The following CELF2 variants were observed in gnomAD, a reference collection of about 807,000 sequenced individuals.
The protein encoded by CELF2 is CUG triplet repeat RNA-binding protein 2.
Under a neutral mutation model 62.6 loss-of-function variants are expected in CELF2, and 8 were observed. The observed-to-expected ratio is 0.13, with a 90% CI of 0.07 to 0.23. CELF2 has a LOEUF of 0.23. Among genes scored for constraint, CELF2 ranks in the 10% least tolerant of loss-of-function variants. The pLI, the probability that CELF2 is intolerant of heterozygous loss-of-function variation, is 1.00. For synonymous variants in CELF2, 258 were observed against 250.0 expected, an observed-to-expected ratio of 1.03 and a Z score of -0.30; for missense variants, 333 against 671.0, an observed-to-expected ratio of 0.50 and a Z score of 5.56.
chr10:10,839,990 TCTTCTA>T (rs1035109831), intron 1 of CELF2, among the ~76,000 whole-genome samples: 28 of 152,344 alleles, frequency 1.8e-4, no homozygotes, highest in African/African-American at 6.7e-4. Context: ...TAGAGTGGCT[TCTTCTA>T]CTTCACAGAG....
chr10:10,902,946 G>A (rs1045425199), intron 1 of CELF2, among the ~76,000 whole-genome samples: 1 of 147,830 alleles, frequency 6.8e-6, no homozygotes, highest in African/African-American at 2.5e-5. Context: ...AGGAAGGAAG[G>A]GAGGGAGGGA....
intron 1 of CELF2, among the ~76,000 whole-genome samples, chr10:10,829,004 G>T (rs377005859): frequency 3.9e-5 from 6 of 152,272 alleles, no homozygotes; most frequent in African/African-American, 1.4e-4. Context: ...TCCAAGACCA[G>T]AGTTTAGAAG....
rs762751902 is a variant in CELF2 at position 11,305,032 on chromosome 10, G to A, written c.977-9107G>A. Among the ~76,000 whole-genome samples, 8 of 148,138 alleles carry A rather than the reference G, an allele frequency of 5.4e-5. No homozygotes were observed. In the East Asian group the frequency reaches 6.2e-4, roughly 11 times the overall value. Reference sequence around the variant, plus strand: ...GAACGGGAATGCCTTTGTCAAACACGCATCGGCATCTTCTGGTTCAACTCG... The same window carrying A: ...GAACGGGAATGCCTTTGTCAAACACACATCGGCATCTTCTGGTTCAACTCG... On this transcript the variant is annotated intron_variant, in intron 9 of 12. Transcript: ENST00000633077. The surrounding 1 kb of genome is among the most constrained non-coding windows in gnomAD (Gnocchi z 4.8).
Position 11,333,612 on chromosome 10 carries a change from T to C in CELF2, c.*4559T>C, listed in dbSNP as rs1457919102. ...TTTGAATAATGTCATACAAAAAATG[T>C]ATTTGTTTTTTTGTGCTGTGAGAAT... On this transcript the variant is annotated 3_prime_UTR_variant, in exon 13 of 13. Transcript: ENST00000633077. The C allele has an allele frequency of 6.6e-6, 1 of 152,546 alleles. No individual in the cohort carries two copies. Among genetic ancestry groups the C allele is most frequent in the Admixed American group, 6.5e-5 (1 of 15,286 alleles). The allele number at this position is 152,546 out of a possible 1,614,324, so 9.4% of individuals were successfully genotyped here.
At chr10:11,003,636 T>A (rs1339144605), upstream of CELF2, among the ~76,000 whole-genome samples, 1 of 152,184 alleles carries the variant, frequency 6.6e-6, no homozygotes, top group East Asian at 1.9e-4. The surrounding 1 kb of genome is among the most constrained non-coding windows in gnomAD (Gnocchi z 4.4). Context: ...GTTAAGAGAC[T>A]TCTGCCCCAG....
rs554791279 is a variant in CELF2 at position 11,171,673 on chromosome 10, C to T, written c.271+5991C>T. On this transcript the variant is annotated intron_variant, in intron 2 of 12. Transcript: ENST00000633077. Reference sequence around the variant, plus strand: ...AGGCCCTGGGGAAGAGGACTTAGTACTGGTACTTATCATGACCAGCTCATG... The same window carrying T: ...AGGCCCTGGGGAAGAGGACTTAGTATTGGTACTTATCATGACCAGCTCATG... 5.0e-4 allele frequency among the ~76,000 whole-genome samples: 76 copies of T among 152,308 alleles called. 1 individual carries two copies. Among genetic ancestry groups the T allele is most frequent in the African/African-American group, 1.8e-3 (74 of 41,562 alleles).
At chr10:11,031,958 AC>A (rs1488244682) in intron 1 of CELF2, among the ~76,000 whole-genome samples, 4 of 152,156 alleles carry the variant, frequency 2.6e-5, no homozygotes, top group Non-Finnish European at 4.4e-5. Flanking sequence ...TGACTCAATC[AC>A]AGTGGCACCT....
At chr10:11,026,015 T>C (rs1298095863) in intron 1 of CELF2, among the ~76,000 whole-genome samples, 3 of 152,210 alleles carry the variant, frequency 2.0e-5, no homozygotes, top group African/African-American at 2.4e-5. Context: ...TGTTTCTCAG[T>C]GGCAATTAAG....
intron 1 of CELF2, among the ~76,000 whole-genome samples, chr10:10,908,262 G>A (rs985170618): frequency 6.1e-5 from 7 of 114,356 alleles, no homozygotes; most frequent in South Asian, 3.0e-4. Flanking sequence ...CTCTGTCGCC[G>A]AGGCTGGAGT....
chr10:11,141,928 A>G (rs2061415756), intron 1 of CELF2, among the ~76,000 whole-genome samples: 1 of 152,238 alleles, frequency 6.6e-6, no homozygotes, highest in Non-Finnish European at 1.5e-5. Flanking sequence ...ATTATTAATG[A>G]GAGACTGTAG....
intron 1 of CELF2, among the ~76,000 whole-genome samples, chr10:11,088,690 A>G (rs1219488011): frequency 2.6e-5 from 4 of 152,198 alleles, no homozygotes; most frequent in Non-Finnish European, 5.9e-5. Context: ...TGTGTAACAC[A>G]TCATCCCATA....
chr10:11,140,993 G>A (rs978977864), intron 1 of CELF2, among the ~76,000 whole-genome samples: 10 of 152,194 alleles, frequency 6.6e-5, no homozygotes, highest in Non-Finnish European at 1.5e-4. Context: ...TCCAGCCTGC[G>A]TGACAGAAGG....
chr10:10,649,031 A>T, the CELF2 span, among the ~76,000 whole-genome samples: 1 of 152,192 alleles, frequency 6.6e-6, no homozygotes, highest in African/African-American at 2.4e-5. Context: ...TGAAGATTTC[A>T]GTCCTGGATT....
the CELF2 span, among the ~76,000 whole-genome samples, chr10:10,562,496 C>A: frequency 6.6e-6 from 1 of 152,130 alleles, no homozygotes; most frequent in African/African-American, 2.4e-5. Context: ...GAGAGTGAAG[C>A]ATGAAGAGGT....
chr10:10,501,216 T>C, the CELF2 span, among the ~76,000 whole-genome samples: 1 of 152,250 alleles, frequency 6.6e-6, no homozygotes, highest in Non-Finnish European at 1.5e-5. Flanking sequence ...ATTTTGCATT[T>C]CCACAGCAAT....
At chr10:11,190,615 T>A (rs1001057382) in intron 2 of CELF2, among the ~76,000 whole-genome samples, 3 of 149,492 alleles carry the variant, frequency 2.0e-5, no homozygotes, top group Non-Finnish European at 4.5e-5. Flanking sequence ...AATTGTTCTT[T>A]TAAAAAAAAA....
the CELF2 span, among the ~76,000 whole-genome samples, chr10:10,571,924 A>T: frequency 6.6e-6 from 1 of 152,296 alleles, no homozygotes; most frequent in South Asian, 2.1e-4. Context: ...GAGGGAGGAC[A>T]CAGTCCATCA....
intron 1 of CELF2, among the ~76,000 whole-genome samples, chr10:10,840,432 T>C (rs1321451014): frequency 6.6e-6 from 1 of 152,206 alleles, no homozygotes; most frequent in Non-Finnish European, 1.5e-5. Flanking sequence ...CTCATTGTTG[T>C]TTAAATTGTC....
At chr10:10,731,113 C>A in the CELF2 span, among the ~76,000 whole-genome samples, 422 of 152,262 alleles carry the variant, frequency 2.8e-3, 1 homozygote, top group Non-Finnish European at 3.2e-3. Context: ...CAATCACCAT[C>A]CCTTTCCCAA....
Sources: gnomAD v4.1 joint callset for allele counts (sites outside exome capture counted in the v4.1 genomes callset) on GRCh38, gnomAD v4.1.1 for gene constraint, Gnocchi (gnomAD v3.1) non-coding constraint, MANE v1.5 for transcripts, NCBI Gene and HGNC (gene_info 2026-07-23, HGNC 2026-07-21) for gene names.